COL25A1: variants seen among roughly 807,000 people sequenced by gnomAD.
COL25A1 encodes collagen type XXV alpha 1 chain.
In COL25A1, 103 loss-of-function variants were observed where a neutral mutation model predicts 128.4. The observed-to-expected ratio is 0.80, with a 90% CI of 0.68 to 0.94. COL25A1 has a LOEUF of 0.94. Ranked by LOEUF, COL25A1 falls within the 40% of genes least tolerant of loss-of-function variation. The pLI, the probability that COL25A1 is intolerant of heterozygous loss-of-function variation, is 0.00. For missense variants in COL25A1, 745 were observed against 840.0 expected (o/e 0.89, Z 1.40); for synonymous variants, 279 against 277.2 (o/e 1.01, Z -0.06).
At chr4:109,105,421 C>T (rs376876732) in intron 3 of COL25A1, among the ~76,000 whole-genome samples, 2 of 152,132 alleles carry the variant, frequency 1.3e-5, no homozygotes, top group East Asian at 1.9e-4. Context: ...TTGCAGGGAG[C>T]CAAGATCGTG....
intron 4 of COL25A1, 34 bp downstream of exon 4, chr4:109,050,101 T>G (rs1305737402): frequency 2.5e-6 from 4 of 1,585,776 alleles, no homozygotes; most frequent in Non-Finnish European, 3.4e-6. Flanking sequence ...AACCAGAACA[T>G]GAGTGACACA....
At chr4:109,259,605 A>G (rs1781298179) in intron 3 of COL25A1, among the ~76,000 whole-genome samples, 1 of 152,226 alleles carries the variant, frequency 6.6e-6, no homozygotes, top group Non-Finnish European at 1.5e-5. Flanking sequence ...GCTGCAGTAG[A>G]AATGCCACAT....
intron 3 of COL25A1, among the ~76,000 whole-genome samples, chr4:109,077,437 C>G (rs1187266387): frequency 1.3e-5 from 2 of 152,142 alleles, no homozygotes; most frequent in South Asian, 2.1e-4. Context: ...ACCACCACCC[C>G]CCCGCCCCCA....
chr4:109,207,932 T>TA (rs1777141589), intron 3 of COL25A1, among the ~76,000 whole-genome samples: 1 of 152,184 alleles, frequency 6.6e-6, no homozygotes, highest in Non-Finnish European at 1.5e-5. Context: ...AAGACACTCT[T>TA]AAACTTTTTC....
intron 3 of COL25A1, among the ~76,000 whole-genome samples, chr4:109,297,872 T>C (rs982588973): frequency 1.2e-4 from 16 of 137,678 alleles, no homozygotes; most frequent in Non-Finnish European, 3.1e-5. Flanking sequence ...CTTTTTTTTT[T>C]TTTTTTTTTT....
chr4:109,117,850 A>G (rs905077604), intron 3 of COL25A1, among the ~76,000 whole-genome samples: 1 of 151,910 alleles, frequency 6.6e-6, no homozygotes, highest in African/African-American at 2.4e-5. Context: ...GTGGACTCAG[A>G]TTACTTGTAA....
At chr4:109,276,043 C>G (rs377754023) in intron 3 of COL25A1, among the ~76,000 whole-genome samples, 1 of 152,188 alleles carries the variant, frequency 6.6e-6, no homozygotes, top group African/African-American at 2.4e-5. Context: ...ATATATACTG[C>G]TGTCATAGAA....
At chr4:108,984,768 T>C (rs1425903611) in intron 6 of COL25A1, among the ~76,000 whole-genome samples, 1 of 152,156 alleles carries the variant, frequency 6.6e-6, no homozygotes, top group Non-Finnish European at 1.5e-5. Flanking sequence ...GGGAGCCGGC[T>C]CCGGCCTTGG....
chr4:109,090,418 G>A (rs1048987325), intron 3 of COL25A1, among the ~76,000 whole-genome samples: 1 of 152,122 alleles, frequency 6.6e-6, no homozygotes, highest in Non-Finnish European at 1.5e-5. Context: ...ACATAGAGGA[G>A]AGTATCTGTC....
chr4:108,863,032 A>AT (rs982389819), intron 21 of COL25A1, among the ~76,000 whole-genome samples: 4 of 152,024 alleles, frequency 2.6e-5, no homozygotes, highest in Admixed American at 6.6e-5. Context: ...ATCAACAGGG[A>AT]TTTTTTTTCA....
intron 3 of COL25A1, among the ~76,000 whole-genome samples, chr4:109,256,690 A>G (rs894177672): frequency 6.6e-6 from 1 of 152,186 alleles, no homozygotes; most frequent in African/African-American, 2.4e-5. Context: ...GGTATTAAAA[A>G]GACCTAAGTT....
At chr4:108,992,652 A>C (rs1426494983) in intron 6 of COL25A1, among the ~76,000 whole-genome samples, 1 of 152,198 alleles carries the variant, frequency 6.6e-6, no homozygotes, top group Non-Finnish European at 1.5e-5. Flanking sequence ...ATCAATGTAA[A>C]TAAACTACCA....
At chr4:108,851,205 A>G (rs755463583) in intron 26 of COL25A1, among the ~76,000 whole-genome samples, 4 of 152,092 alleles carry the variant, frequency 2.6e-5, no homozygotes, top group Non-Finnish European at 5.9e-5. Flanking sequence ...TTTTTGTGTT[A>G]TGTCTCTTAG....
At chr4:108,838,072 T>C in intron 31 of COL25A1, 1 of 1,501,928 alleles carries the variant, frequency 6.7e-7, no homozygotes, top group Non-Finnish European at 9.1e-7. Flanking sequence ...AGATTTGCAC[T>C]AAAATGGAAA....
intron 19 of COL25A1, among the ~76,000 whole-genome samples, chr4:108,876,503 T>C (rs1193145748): frequency 6.6e-6 from 1 of 152,192 alleles, no homozygotes; most frequent in Non-Finnish European, 1.5e-5. Context: ...GATCTACTCT[T>C]GGGACAAACA....
chr4:109,227,675 T>C (rs192245829), intron 3 of COL25A1, among the ~76,000 whole-genome samples: 1 of 152,146 alleles, frequency 6.6e-6, no homozygotes, highest in East Asian at 1.9e-4. Flanking sequence ...AAGCGGACAA[T>C]TTTACAGATC....
At position 108,812,674 on chromosome 4, in the gene COL25A1, G is replaced by GA. The variant is rs1730891547; in HGVS notation, c.*1252dup. On this transcript the variant is annotated 3_prime_UTR_variant, in exon 38 of 38. Coordinates refer to ENST00000399132, the MANE Select transcript of COL25A1 (RefSeq NM_198721.4). ...ATTCTTGGGACTAAAGAAAGAAAAAGAAAAAAGCATTAAAAAGAATGAAAA... is the reference window on the plus strand; with the variant it reads ...ATTCTTGGGACTAAAGAAAGAAAAAGAAAAAAAGCATTAAAAAGAATGAAAA... 1 of 152,038 alleles carries GA rather than the reference G, an allele frequency of 6.6e-6. No individual in the cohort carries two copies. The highest frequency in any genetic ancestry group is 1.5e-5 in the Non-Finnish European group (1 of 67,992). 9.4% of individuals were successfully genotyped at this position (152,038 alleles called of 1,614,324 possible).
intron 6 of COL25A1, among the ~76,000 whole-genome samples, chr4:108,999,470 A>G (rs1755138936): frequency 6.6e-6 from 1 of 152,168 alleles, no homozygotes; most frequent in South Asian, 2.1e-4. Flanking sequence ...GAAACAACAG[A>G]TTCTGGAGAG....
At chr4:108,892,411 A>C (rs1334606647) in intron 16 of COL25A1, among the ~76,000 whole-genome samples, 1 of 152,222 alleles carries the variant, frequency 6.6e-6, no homozygotes, top group Non-Finnish European at 1.5e-5. Flanking sequence ...GCACATGTGG[A>C]TATATGAAGT....
Sources: allele counts gnomAD v4.1 joint callset (sites outside exome capture counted in the v4.1 genomes callset), GRCh38; gene constraint gnomAD v4.1.1; transcripts MANE v1.5; gene names NCBI Gene and HGNC (gene_info 2026-07-23, HGNC 2026-07-21).